The following NCAM2 variants were observed in gnomAD, a reference collection of about 807,000 sequenced individuals.
NCAM2 encodes the protein neural cell adhesion molecule 2, also known as N-CAM-2.
Under a neutral mutation model 98.1 loss-of-function variants are expected in NCAM2, and 30 were observed. That is an observed-to-expected ratio of 0.31 (90% CI 0.23 to 0.41). NCAM2 has a LOEUF of 0.41. Among genes scored for constraint, NCAM2 ranks in the 10% least tolerant of loss-of-function variants. NCAM2 has a pLI of 1.00. For missense variants in NCAM2, 867 were observed against 1,005.8 expected (o/e 0.86, Z 1.87); for synonymous variants, 368 against 342.4 (o/e 1.07, Z -0.83).
At chr21:21,022,204 G>A (rs1018649894) in intron 1 of NCAM2, among the ~76,000 whole-genome samples, 18 of 151,754 alleles carry the variant, frequency 1.2e-4, no homozygotes, top group Non-Finnish European at 2.2e-4. Flanking sequence ...GTATCCAAGT[G>A]TTTTAAAAAA....
chr21:21,424,485 G>A (rs541768023), intron 11 of NCAM2, among the ~76,000 whole-genome samples: 5 of 152,208 alleles, frequency 3.3e-5, no homozygotes, highest in Admixed American at 3.3e-4. Context: ...TCTTGGAAAA[G>A]GCTTTCAAAA....
intron 1 of NCAM2, among the ~76,000 whole-genome samples, chr21:21,070,286 TA>T (rs1355140306): frequency 6.8e-6 from 1 of 148,084 alleles, no homozygotes; most frequent in Non-Finnish European, 1.5e-5. Context: ...TATATATATA[TA>T]ATCTAATATG....
chr21:21,417,115 C>T (rs75828127), intron 10 of NCAM2, among the ~76,000 whole-genome samples: 3,135 of 152,168 alleles, frequency 0.021, 83 homozygotes, highest in East Asian at 0.14. Context: ...GTAATAGTCA[C>T]ATTTCTTTGT....
intron 8 of NCAM2, among the ~76,000 whole-genome samples, chr21:21,347,417 T>C (rs2075220380): frequency 1.3e-5 from 2 of 151,972 alleles, no homozygotes; most frequent in African/African-American, 2.4e-5. Context: ...CTTCAAATTA[T>C]ACTACAGAGC....
intron 1 of NCAM2, among the ~76,000 whole-genome samples, chr21:21,069,862 A>G (rs1455542368): frequency 3.9e-5 from 6 of 152,070 alleles, no homozygotes; most frequent in Non-Finnish European, 7.4e-5. Flanking sequence ...TCCTCTGGGG[A>G]CCTTCTGTGA....
At chr21:21,044,071 G>T (rs903590948) in intron 1 of NCAM2, among the ~76,000 whole-genome samples, 1 of 151,956 alleles carries the variant, frequency 6.6e-6, no homozygotes, top group Admixed American at 6.6e-5. Flanking sequence ...GAAAGAAAGA[G>T]ATTATTAATG....
At chr21:21,394,700 G>C (rs551508182) in intron 9 of NCAM2, among the ~76,000 whole-genome samples, 1 of 151,518 alleles carries the variant, frequency 6.6e-6, no homozygotes, top group Admixed American at 6.6e-5. Context: ...TGTTAGCCAG[G>C]ATGGTCTCGA....
At chr21:21,173,223 T>C (rs948593950) in intron 1 of NCAM2, among the ~76,000 whole-genome samples, 12 of 152,298 alleles carry the variant, frequency 7.9e-5, no homozygotes, top group African/African-American at 2.9e-4. Flanking sequence ...GGGAATTATA[T>C]GTAGTTAGTC....
chr21:21,483,966 A>G (rs530316971), intron 15 of NCAM2, among the ~76,000 whole-genome samples: 1 of 152,220 alleles, frequency 6.6e-6, no homozygotes, highest in Non-Finnish European at 1.5e-5. Context: ...AATGGCTTTT[A>G]TTAAATATAT....
At position 21,541,877 on chromosome 21, in the gene NCAM2, C is replaced by T. The variant is rs540942759; in HGVS notation, c.*3920C>T. ...TCACATAATGTGCTTATTCAACAAACTTTGTATCTGGATATATTTTTAACA... is the reference window on the plus strand; with the variant it reads ...TCACATAATGTGCTTATTCAACAAATTTTGTATCTGGATATATTTTTAACA... On this transcript the variant is annotated 3_prime_UTR_variant, in exon 18 of 18. Transcript: ENST00000400546. The T allele has an allele frequency of 2.6e-5, 4 of 151,640 alleles. No homozygotes were observed. Among genetic ancestry groups the T allele is most frequent in the Non-Finnish European group, 5.9e-5 (4 of 67,754 alleles). The allele number at this position is 151,640 out of a possible 1,614,324, so 9.4% of individuals were successfully genotyped here.
At position 21,190,644 on chromosome 21, in the gene NCAM2, A is replaced by G. The variant is rs1214707066; in HGVS notation, c.56-89934A>G. Among the ~76,000 whole-genome samples, 5 of 152,188 alleles carry G rather than the reference A, an allele frequency of 3.3e-5. No homozygotes were observed. In the East Asian group the frequency reaches 5.8e-4, roughly 18 times the overall value. ...CACTGACATAATTCAGTTCATGTAT[A>G]TATTTGAGACAGCCTAGTGCAGAAA... is the stretch of plus-strand genomic sequence containing the variant. On this transcript the variant is annotated intron_variant, in intron 1 of 17. Coordinates refer to ENST00000400546, the MANE Select transcript of NCAM2 (RefSeq NM_004540.5).
At chr21:21,488,425 G>A (rs889776611) in intron 15 of NCAM2, among the ~76,000 whole-genome samples, 1 of 151,824 alleles carries the variant, frequency 6.6e-6, no homozygotes, top group African/African-American at 2.4e-5. Flanking sequence ...GAAATATATT[G>A]TACAAGAAAG....
intron 1 of NCAM2, among the ~76,000 whole-genome samples, chr21:21,104,703 G>C (rs1174528075): frequency 6.6e-6 from 1 of 151,986 alleles, no homozygotes; most frequent in Non-Finnish European, 1.5e-5. Context: ...AGCAAGGTGT[G>C]GTAACAAGCT....
intron 1 of NCAM2, among the ~76,000 whole-genome samples, chr21:21,214,746 T>TATATATATATATATATAA (rs11268201): frequency 9.9e-6 from 1 of 100,608 alleles, no homozygotes; most frequent in Non-Finnish European, 2.1e-5. Context: ...TATATATATA[T>TATATATATATATATATAA]ACACTATATA....
intron 15 of NCAM2, among the ~76,000 whole-genome samples, chr21:21,495,704 A>G (rs556125540): frequency 7.2e-5 from 11 of 152,126 alleles, no homozygotes; most frequent in South Asian, 4.1e-4. Flanking sequence ...TAATGTCAGA[A>G]TCACACACAG....
intron 1 of NCAM2, among the ~76,000 whole-genome samples, chr21:21,035,881 A>T (rs1427103245): frequency 6.6e-6 from 1 of 152,190 alleles, no homozygotes; most frequent in East Asian, 1.9e-4. Context: ...ACAATTGACA[A>T]ATCAACTTAT....
At chr21:21,439,173 C>T (rs1223262177) in intron 12 of NCAM2, among the ~76,000 whole-genome samples, 2 of 150,578 alleles carry the variant, frequency 1.3e-5, no homozygotes, top group Non-Finnish European at 2.9e-5. Flanking sequence ...GGCTGCATTG[C>T]AGCGGCACAA....
chr21:21,477,109 T>C (rs1445166838), intron 14 of NCAM2, among the ~76,000 whole-genome samples, 182 bp from the exon 15 acceptor site: 1 of 152,074 alleles, frequency 6.6e-6, no homozygotes, highest in Non-Finnish European at 1.5e-5. Context: ...ATATTTTATA[T>C]AGAAAAATGT....
At chr21:21,442,926 C>A (rs1332669279) in intron 12 of NCAM2, among the ~76,000 whole-genome samples, 1 of 152,070 alleles carries the variant, frequency 6.6e-6, no homozygotes, top group Non-Finnish European at 1.5e-5. Context: ...AATGATCTTT[C>A]TCTTTATCCC....
Sources: allele counts gnomAD v4.1 joint callset (sites outside exome capture counted in the v4.1 genomes callset), GRCh38; gene constraint gnomAD v4.1.1; transcripts MANE v1.5; gene names NCBI Gene and HGNC (gene_info 2026-07-23, HGNC 2026-07-21).